EML6: variants seen among roughly 807,000 people sequenced by gnomAD.
The protein encoded by EML6 is EMAP like 6.
Under a neutral mutation model 240.1 loss-of-function variants are expected in EML6, and 154 were observed. That is an observed-to-expected ratio of 0.64 (90% CI 0.56 to 0.73). The LOEUF is 0.73. Among genes scored for constraint, EML6 ranks in the 30% least tolerant of loss-of-function variants. EML6 has a pLI of 0.00. For missense variants in EML6, 2,964 were observed against 2,474.6 expected (o/e 1.20, Z -4.20); for synonymous variants, 1,148 against 899.0 (o/e 1.28, Z -4.95).
At position 54,863,819 on chromosome 2, in the gene EML6, C is replaced by T. The variant is rs769695044; in HGVS notation, c.1862C>T (p.Ser621Leu). 1 of 1,549,200 alleles carries T rather than the reference C, an allele frequency of 6.5e-7. No individual in the cohort carries two copies. The highest frequency in any genetic ancestry group is 1.2e-5 in the South Asian group (1 of 83,378). The change falls in exon 13 of 42, where the codon TCA becomes TTA. Residue 621 changes from serine (S) to leucine (L), a missense_variant. Ser to Leu is a moderately radical substitution (Grantham distance 145, BLOSUM62 -2). Transcript: ENST00000356458. ...GADSYSEESD[S>L]DLSDVPELDS... Reference sequence around the variant, plus strand: ...GATTCCTACAGTGAAGAATCTGATTCAGATTTATCTGATGTGCCCGAACTG... The same window carrying T: ...GATTCCTACAGTGAAGAATCTGATTTAGATTTATCTGATGTGCCCGAACTG...
chr2:54,792,844 A>T (rs1225065709), intron 2 of EML6, among the ~76,000 whole-genome samples: 2 of 152,236 alleles, frequency 1.3e-5, no homozygotes, highest in Non-Finnish European at 2.9e-5. Flanking sequence ...AAAAGATGTT[A>T]TGAGGACATA....
chr2:54,863,825 T>A lies in EML6; in HGVS notation c.1868T>A (p.Leu623Ter). Residue 623 changes from leucine (L) to a stop codon, truncating the protein, a stop_gained, in exon 13 of 42, where the codon TTA (leucine) becomes TAA (stop). Coordinates refer to ENST00000356458, the MANE Select transcript of EML6 (RefSeq NM_001039753.4). LOFTEE classifies it high-confidence loss of function. ...DSYSEESDSD[L>*]SDVPELDSDI... ...TACAGTGAAGAATCTGATTCAGATT[T>A]ATCTGATGTGCCCGAACTGGACTCT... The A allele has an allele frequency of 6.5e-7, 1 of 1,549,422 alleles. No individual in the cohort carries two copies. The highest frequency in any genetic ancestry group is 8.7e-7 in the Non-Finnish European group (1 of 1,145,752).
intron 4 of EML6, among the ~76,000 whole-genome samples, chr2:54,818,817 C>A (rs1265071036): frequency 6.6e-6 from 1 of 152,072 alleles, no homozygotes; most frequent in Non-Finnish European, 1.5e-5. Context: ...TCTCCCAGAC[C>A]CCATAATCTG....
chr2:54,765,794 T>C (rs1282250285), intron 2 of EML6, among the ~76,000 whole-genome samples: 2 of 152,140 alleles, frequency 1.3e-5, no homozygotes, highest in Non-Finnish European at 2.9e-5. Context: ...CATTATAAAA[T>C]AGGTACTTAA....
chr2:54,832,706 A>G (rs1000169043), intron 7 of EML6, among the ~76,000 whole-genome samples: 1 of 150,664 alleles, frequency 6.6e-6, no homozygotes, highest in Non-Finnish European at 1.5e-5. Flanking sequence ...AAGAAAGCAG[A>G]GTGGACAGAA....
intron 3 of EML6, among the ~76,000 whole-genome samples, chr2:54,813,858 C>T (rs950878798): frequency 1.3e-5 from 2 of 152,202 alleles, no homozygotes; most frequent in African/African-American, 4.8e-5. Flanking sequence ...CTTTTAGCTG[C>T]TTCTACCTGT....
At chr2:54,913,358 C>T (rs1673744374) in intron 25 of EML6, among the ~76,000 whole-genome samples, 1 of 151,840 alleles carries the variant, frequency 6.6e-6, no homozygotes, top group Admixed American at 6.6e-5. Context: ...GGTGATCTTC[C>T]TGCCTCAGTC....
intron 35 of EML6, among the ~76,000 whole-genome samples, chr2:54,962,083 G>GT (rs533390678): frequency 0.3 from 39,941 of 132,190 alleles, 7,137 homozygotes; most frequent in African/African-American, 0.5. Context: ...CAAGTTACTT[G>GT]TTTTTTTTTT....
At position 54,875,969 on chromosome 2, in the gene EML6, C is replaced by T. The variant is rs567796481; in HGVS notation, c.2345-3578C>T. 1.4e-4 allele frequency among the ~76,000 whole-genome samples: 21 copies of T among 152,252 alleles called. 1 individual carries two copies. The highest frequency in any genetic ancestry group is 3.9e-4 in the East Asian group (2 of 5,188). ...TTCATTGTGTTCAGTAGAAAACCTA[C>T]GCATTTTTTATGAGTCCTGAATAGA... On this transcript the variant is annotated intron_variant, in intron 16 of 41. Transcript: ENST00000356458.
intron 26 of EML6, among the ~76,000 whole-genome samples, chr2:54,921,836 C>G (rs909251430): frequency 6.6e-6 from 1 of 152,074 alleles, no homozygotes; most frequent in African/African-American, 2.4e-5. Context: ...AGAAGACAGT[C>G]TCTTCAATGA....
At chr2:54,936,461 T>C (rs369750657) in intron 28 of EML6, among the ~76,000 whole-genome samples, 3 of 152,234 alleles carry the variant, frequency 2.0e-5, no homozygotes, top group Non-Finnish European at 4.4e-5. Flanking sequence ...TATTTTTATT[T>C]GCTATATACA....
chr2:54,957,725 T>A, intron 32 of EML6, 65 bp from the exon 33 acceptor site: 3 of 1,456,126 alleles, frequency 2.1e-6, no homozygotes, highest in Non-Finnish European at 2.8e-6. Context: ...CCTCCTGGGC[T>A]GCGGCTCCCC....
intron 26 of EML6, among the ~76,000 whole-genome samples, chr2:54,927,690 C>A (rs1317446657): frequency 6.6e-6 from 1 of 152,182 alleles, no homozygotes; most frequent in African/African-American, 2.4e-5. Flanking sequence ...GGGCACACCA[C>A]TCCAAAAAGC....
intron 35 of EML6, among the ~76,000 whole-genome samples, chr2:54,961,802 C>T (rs1475569045): frequency 2.6e-5 from 4 of 151,776 alleles, no homozygotes; most frequent in Admixed American, 2.0e-4. Context: ...GTCAGGAGTT[C>T]GAGACCACCT....
At chr2:54,947,329 T>G (rs1037386517) in intron 28 of EML6, among the ~76,000 whole-genome samples, 1 of 152,130 alleles carries the variant, frequency 6.6e-6, no homozygotes, top group Non-Finnish European at 1.5e-5. Flanking sequence ...TTTGCTCAAT[T>G]TGGTGGCGAT....
chr2:54,730,175 A>G (rs1683091518), intron 2 of EML6, among the ~76,000 whole-genome samples: 1 of 152,164 alleles, frequency 6.6e-6, no homozygotes, highest in Non-Finnish European at 1.5e-5. Context: ...AAAAAAGAGA[A>G]ATATCCACAG....
intron 28 of EML6, among the ~76,000 whole-genome samples, chr2:54,942,601 A>C (rs1264402260): frequency 6.6e-6 from 1 of 150,768 alleles, no homozygotes; most frequent in Non-Finnish European, 1.5e-5. Context: ...TCTTTACCCG[A>C]CTCCCTCTCG....
chr2:54,764,912 A>G (rs1209257984), intron 2 of EML6, among the ~76,000 whole-genome samples: 2 of 152,072 alleles, frequency 1.3e-5, no homozygotes, highest in African/African-American at 4.8e-5. Context: ...CTTGTAGTGA[A>G]TTTTTTCCAC....
At chr2:54,948,605 C>G (rs76578439) in intron 28 of EML6, among the ~76,000 whole-genome samples, 8 of 152,220 alleles carry the variant, frequency 5.3e-5, no homozygotes, top group African/African-American at 1.9e-4. Flanking sequence ...CCTGCTCCCC[C>G]TGCTCCCAGG....
Sources: allele counts gnomAD v4.1 joint callset (sites outside exome capture counted in the v4.1 genomes callset), GRCh38; gene constraint gnomAD v4.1.1; transcripts MANE v1.5; gene names NCBI Gene and HGNC (gene_info 2026-07-23, HGNC 2026-07-21).